Variants in UNC5D observed in about 807,000 individuals in gnomAD.
UNC5D encodes the protein netrin receptor UNC5D.
UNC5D carries 39 observed loss-of-function variants against 105.4 expected under a neutral mutation model. The ratio of observed to expected loss-of-function variants is 0.37; its 90% CI spans 0.29 to 0.48. The LOEUF (loss-of-function observed/expected upper bound fraction) is 0.48. Among genes scored for constraint, UNC5D ranks in the 20% least tolerant of loss-of-function variants. The pLI is 0.98. For synonymous variants in UNC5D, 452 were observed against 450.4 expected, an observed-to-expected ratio of 1.00 and a Z score of -0.04; for missense variants, 991 against 1,202.4, an observed-to-expected ratio of 0.82 and a Z score of 2.60.
chr8:35,308,370 T>G (rs879574991), intron 1 of UNC5D, among the ~76,000 whole-genome samples: 3 of 152,128 alleles, frequency 2.0e-5, no homozygotes, highest in African/African-American at 4.8e-5. Flanking sequence ...CTTGAAACTA[T>G]AGATATGAAC....
intron 16 of UNC5D, 52 bp downstream of exon 16, chr8:35,774,529 A>C: frequency 6.3e-7 from 1 of 1,597,674 alleles, no homozygotes; most frequent in Non-Finnish European, 8.5e-7. Context: ...ACTTGGAAAC[A>C]TAAAGTGGGC....
chr8:35,757,185 G>A (rs1245949597), intron 13 of UNC5D, among the ~76,000 whole-genome samples: 1 of 152,104 alleles, frequency 6.6e-6, no homozygotes, highest in Non-Finnish European at 1.5e-5. Context: ...TTACAAGATT[G>A]GTACTCTTTT....
chr8:35,794,909 G>C lies in UNC5D; in HGVS notation c.*4346G>C, dbSNP rs910077953. 5.9e-5 allele frequency: 9 copies of C among 152,216 alleles called. No homozygotes were observed. The highest frequency in any genetic ancestry group is 1.0e-4 in the Non-Finnish European group (7 of 68,054). The allele number at this position is 152,216 out of a possible 1,614,324, so 9.4% of individuals were successfully genotyped here. ...AATCAGACCTGGCCGTTAGTCACTA[G>C]TGTGTAGTACCGTGATCTGAAGTAG... On this transcript the variant is annotated 3_prime_UTR_variant, in exon 17 of 17. Transcript: ENST00000404895.
chr8:35,497,058 T>G lies in UNC5D; in HGVS notation c.104-52234T>G, dbSNP rs181517950. Among the ~76,000 whole-genome samples, 284 of 152,290 alleles carry G rather than the reference T, an allele frequency of 1.9e-3. 1 individual carries two copies. Among genetic ancestry groups the G allele is most frequent in the African/African-American group, 6.4e-3 (264 of 41,574 alleles). On this transcript the variant is annotated intron_variant, in intron 1 of 16. Transcript: ENST00000404895. ...CTTTTATATGACCCAGAAGCCCTCA[T>G]AGGGAATGAAGACCCCAATAAATGG...
At chr8:35,645,557 A>ATTC (rs1193408647) in intron 4 of UNC5D, among the ~76,000 whole-genome samples, 1 of 142,792 alleles carries the variant, frequency 7.0e-6, no homozygotes, top group East Asian at 2.0e-4. Context: ...GTGTGTGTGA[A>ATTC]TTCTCTCTTG....
At chr8:35,302,606 T>G (rs4739301) in intron 1 of UNC5D, among the ~76,000 whole-genome samples, 1 of 152,102 alleles carries the variant, frequency 6.6e-6, no homozygotes, top group South Asian at 2.1e-4. Context: ...GAAGGCACAA[T>G]AGAAAATGAG....
At chr8:35,284,221 TA>T (rs1276796690) in intron 1 of UNC5D, among the ~76,000 whole-genome samples, 3 of 152,196 alleles carry the variant, frequency 2.0e-5, no homozygotes, top group Non-Finnish European at 4.4e-5. Context: ...TATGGACTCA[TA>T]GGGGGCATAA....
At chr8:35,759,085 A>G (rs995440900) in intron 13 of UNC5D, among the ~76,000 whole-genome samples, 1 of 152,176 alleles carries the variant, frequency 6.6e-6, no homozygotes, top group African/African-American at 2.4e-5. Context: ...CCTAAACAAC[A>G]CAAATAATAA....
intron 6 of UNC5D, among the ~76,000 whole-genome samples, chr8:35,685,605 G>A (rs1178263002): frequency 1.3e-5 from 2 of 152,142 alleles, no homozygotes; most frequent in Non-Finnish European, 2.9e-5. Context: ...TGTTCAATAA[G>A]CATTTATTGA....
intron 1 of UNC5D, among the ~76,000 whole-genome samples, chr8:35,272,132 G>GA (rs1457109831): frequency 6.6e-6 from 1 of 151,618 alleles, no homozygotes; most frequent in East Asian, 1.9e-4. Context: ...TTCATGAAAA[G>GA]AAAAAAAATA....
At chr8:35,439,858 T>C (rs569543386) in intron 1 of UNC5D, among the ~76,000 whole-genome samples, 1 of 152,084 alleles carries the variant, frequency 6.6e-6, no homozygotes, top group Non-Finnish European at 1.5e-5. Context: ...TGTCTATACC[T>C]TTACTGAATT....
intron 1 of UNC5D, among the ~76,000 whole-genome samples, chr8:35,535,030 A>G (rs775458273): frequency 3.9e-5 from 6 of 152,118 alleles, no homozygotes; most frequent in Non-Finnish European, 7.4e-5. Flanking sequence ...GTACCAAGTA[A>G]TATTGGTTGT....
At chr8:35,676,211 A>G (rs1825206657) in intron 4 of UNC5D, among the ~76,000 whole-genome samples, 1 of 152,192 alleles carries the variant, frequency 6.6e-6, no homozygotes, top group Non-Finnish European at 1.5e-5. Context: ...AGATTTGTTT[A>G]TAAACTGGAA....
chr8:35,455,109 C>G (rs1339259520), intron 1 of UNC5D, among the ~76,000 whole-genome samples: 1 of 152,066 alleles, frequency 6.6e-6, no homozygotes, highest in African/African-American at 2.4e-5. Context: ...ACTATACAAA[C>G]AGAAGATATC....
intron 13 of UNC5D, among the ~76,000 whole-genome samples, chr8:35,753,104 A>G (rs1830360303): frequency 6.6e-6 from 1 of 152,200 alleles, no homozygotes; most frequent in Admixed American, 6.5e-5. Flanking sequence ...TCCACTGTTC[A>G]CAGATGAATA....
intron 1 of UNC5D, among the ~76,000 whole-genome samples, chr8:35,287,368 T>A (rs903155155): frequency 6.6e-6 from 1 of 152,120 alleles, no homozygotes; most frequent in African/African-American, 2.4e-5. Context: ...GATAGAGAAT[T>A]AAGTGAAGTT....
chr8:35,492,348 G>T (rs1811267588), intron 1 of UNC5D, among the ~76,000 whole-genome samples: 1 of 151,992 alleles, frequency 6.6e-6, no homozygotes, highest in African/African-American at 2.4e-5. Context: ...TGTCAGTGGG[G>T]TATACTGCAT....
At chr8:35,744,394 T>C (rs1829906839) in intron 11 of UNC5D, among the ~76,000 whole-genome samples, 2 of 152,356 alleles carry the variant, frequency 1.3e-5, no homozygotes, top group South Asian at 4.1e-4. Context: ...TTTATTACTG[T>C]TTAAACTTTC....
At chr8:35,271,758 T>G (rs1476811521) in intron 1 of UNC5D, among the ~76,000 whole-genome samples, 21 of 121,718 alleles carry the variant, frequency 1.7e-4, no homozygotes, top group African/African-American at 6.7e-4. Context: ...CATGTATACA[T>G]GTATACATAT....
Sources: gnomAD v4.1 joint callset for allele counts (sites outside exome capture counted in the v4.1 genomes callset) on GRCh38, gnomAD v4.1.1 for gene constraint, MANE v1.5 for transcripts, NCBI Gene and HGNC (gene_info 2026-07-23, HGNC 2026-07-21) for gene names.